Variants in FAM25A observed in about 807,000 individuals in gnomAD.
FAM25A encodes the protein protein FAM25A.
In FAM25A, 5 loss-of-function variants were observed where a neutral mutation model predicts 6.6. That is an observed-to-expected ratio of 0.75 (90% CI 0.39 to 1.59). FAM25A has a LOEUF of 1.59. FAM25A is among the 40% of genes most tolerant of loss of function. FAM25A has a pLI of 0.02. For missense variants in FAM25A, 93 were observed against 109.7 expected, an observed-to-expected ratio of 0.85 and a Z score of 0.68; for synonymous variants, 36 against 41.3, an observed-to-expected ratio of 0.87 and a Z score of 0.49.
chr10:87,022,420 G>T (rs983122537), intron 2 of FAM25A, 44 bp downstream of exon 2: 2 of 1,541,358 alleles, frequency 1.3e-6, no homozygotes, highest in Admixed American at 3.9e-5. Context: ...GAGGGAGCAA[G>T]GGAAGCTAGG....
chr10:87,022,496 A>G lies in FAM25A; in HGVS notation c.136+120A>G, dbSNP rs1443700922. On this transcript the variant is annotated intron_variant, in intron 2 of 2. Transcript: ENST00000343959. ...TGCCCCCAATGTTGCAGCCTTTCAG[A>G]GCCTCTTGGCTGGGGCAGTTATCTA... is the stretch of plus-strand genomic sequence containing the variant. 1.4e-5 allele frequency: 17 copies of G among 1,213,610 alleles called. No individual in the cohort carries two copies. In the South Asian group the frequency reaches 1.4e-4, roughly 10 times the overall value. 75.2% of individuals were successfully genotyped at this position (1,213,610 alleles called of 1,614,324 possible). A position where few individuals can be genotyped will look rare whatever the true frequency, so the allele number is the denominator to read the frequency against.
At chr10:87,021,061 C>CA in intron 1 of FAM25A, among the ~76,000 whole-genome samples, 1 of 152,312 alleles carries the variant, frequency 6.6e-6, no homozygotes, top group Non-Finnish European at 1.5e-5. Flanking sequence ...CTCCTGACCT[C>CA]AAGTGATCCA....
At chr10:87,024,102 C>T (rs191719510) in intron 2 of FAM25A, among the ~76,000 whole-genome samples, 8 of 151,072 alleles carry the variant, frequency 5.3e-5, no homozygotes, top group South Asian at 2.1e-4. Flanking sequence ...AAAAAATCAG[C>T]GCCATAAAGG....
chr10:87,023,811 G>A (rs1289733181), intron 2 of FAM25A, among the ~76,000 whole-genome samples: 6 of 152,176 alleles, frequency 3.9e-5, no homozygotes, highest in Non-Finnish European at 8.8e-5. Context: ...ATCAAGGAAG[G>A]CACTGGCAGA....
chr10:87,024,708 A>G lies in FAM25A; in HGVS notation c.*34A>G. The G allele has an allele frequency of 6.5e-7, 1 of 1,535,724 alleles. No homozygotes were observed. Among genetic ancestry groups the G allele is most frequent in the Non-Finnish European group, 8.7e-7 (1 of 1,146,868 alleles). ...GCTACCACGGCCCTTCCCCAGTCTC[A>G]ATAAAAAGCCATGACATGTGTACAT... On this transcript the variant is annotated 3_prime_UTR_variant, in exon 3 of 3. Coordinates refer to ENST00000343959, the MANE Select transcript of FAM25A (RefSeq NM_001146157.3).
At position 87,020,404 on chromosome 10, in the gene FAM25A, A is replaced by G; in HGVS notation, c.73+7A>G. ...AAGGCCACCGAGGGAGCCAGTGAGGACCTGGGGCTCCTTTCTACCTGGGCT... is the reference window on the plus strand; with the variant it reads ...AAGGCCACCGAGGGAGCCAGTGAGGGCCTGGGGCTCCTTTCTACCTGGGCT... On this transcript the variant is annotated splice_region_variant and intron_variant, in intron 1 of 2. Transcript: ENST00000343959. The G allele has an allele frequency of 2.6e-6, 4 of 1,548,540 alleles. No individual in the cohort carries two copies. The South Asian group carries it at 4.8e-5, about 18-fold the overall frequency.
intron 1 of FAM25A, among the ~76,000 whole-genome samples, chr10:87,021,159 G>A (rs1433010498): frequency 6.6e-6 from 1 of 152,238 alleles, no homozygotes; most frequent in African/African-American, 2.4e-5. Context: ...GAGGTCAGCA[G>A]CTATGTGTGG....
At chr10:87,020,437 T>C in intron 1 of FAM25A, 40 bp downstream of exon 1, 3 of 1,546,452 alleles carry the variant, frequency 1.9e-6, no homozygotes, top group Non-Finnish European at 2.6e-6. Flanking sequence ...GCTGGGGGGA[T>C]CTGGGGCAGA....
intron 2 of FAM25A, among the ~76,000 whole-genome samples, chr10:87,024,158 C>A (rs1269732357): frequency 1.1e-5 from 1 of 90,412 alleles, no homozygotes; most frequent in Non-Finnish European, 2.1e-5. Context: ...TTTTCTATAG[C>A]CAAAAAAAAA....
At chr10:87,024,067 G>A (rs1845355740) in intron 2 of FAM25A, among the ~76,000 whole-genome samples, 1 of 151,890 alleles carries the variant, frequency 6.6e-6, no homozygotes, top group African/African-American at 2.4e-5. Context: ...ATCTTGGAGA[G>A]GGGAGAATCT....
chr10:87,021,455 G>A (rs1845329026), intron 1 of FAM25A, among the ~76,000 whole-genome samples: 1 of 152,150 alleles, frequency 6.6e-6, no homozygotes, highest in Non-Finnish European at 1.5e-5. Flanking sequence ...TCATTCACTT[G>A]ATACACCGTT....
At chr10:87,022,910 G>C (rs1259199365) in intron 2 of FAM25A, among the ~76,000 whole-genome samples, 5 of 135,894 alleles carry the variant, frequency 3.7e-5, no homozygotes, top group African/African-American at 5.6e-5. Context: ...CTGGGCTACA[G>C]AGTGAGACTC....
At chr10:87,021,865 C>G (rs1327631937) in intron 1 of FAM25A, among the ~76,000 whole-genome samples, 3 of 152,240 alleles carry the variant, frequency 2.0e-5, no homozygotes, top group African/African-American at 7.2e-5. Flanking sequence ...CTGGATGAGG[C>G]TTTGGAAACC....
intron 2 of FAM25A, among the ~76,000 whole-genome samples, chr10:87,024,097 A>G (rs1319318326): frequency 1.3e-5 from 2 of 152,218 alleles, no homozygotes; most frequent in South Asian, 2.1e-4. Context: ...TGACAAAAAA[A>G]TCAGCGCCAT....
At chr10:87,024,416 C>T in intron 2 of FAM25A, 125 bp from the exon 3 acceptor site, 1 of 1,401,384 alleles carries the variant, frequency 7.1e-7, no homozygotes, top group South Asian at 1.3e-5. Flanking sequence ...ATCCTGCTGC[C>T]CTTGGTCCCA....
At chr10:87,024,420 G>A in intron 2 of FAM25A, 121 bp from the exon 3 acceptor site, 1 of 1,419,858 alleles carries the variant, frequency 7.0e-7, no homozygotes, top group African/African-American at 1.4e-5. Flanking sequence ...TGCTGCCCTT[G>A]GTCCCATCGG....
chr10:87,021,177 C>G (rs1845326217), intron 1 of FAM25A, among the ~76,000 whole-genome samples: 1 of 152,202 alleles, frequency 6.6e-6, no homozygotes, highest in Non-Finnish European at 1.5e-5. Flanking sequence ...TGGGGAGGCC[C>G]AGCCAGGAGC....
At chr10:87,024,009 A>G (rs1845355356) in intron 2 of FAM25A, among the ~76,000 whole-genome samples, 1 of 152,170 alleles carries the variant, frequency 6.6e-6, no homozygotes, top group African/African-American at 2.4e-5. Flanking sequence ...GAGGGGGAAG[A>G]CATCATAAAC....
In FAM25A at chr10:87,024,559, A is replaced by G. The variant is rs549239962; in HGVS notation, c.155A>G (p.Lys52Arg). ...TGEKAIAEAI[K>R]KAQESGDKKM... ...CCAACAGCCATTGCTGAAGCCATAA[A>G]GAAAGCCCAAGAGTCAGGGGACAAA... The change falls in exon 3 of 3, where the codon AAG becomes AGG. Residue 52 changes from lysine (K) to arginine (R), a missense_variant. Physicochemically the swap from Lys to Arg is conservative, Grantham distance 26 (BLOSUM62 2). Coordinates refer to ENST00000343959, the MANE Select transcript of FAM25A (RefSeq NM_001146157.3). 2 of 1,535,802 alleles carry G rather than the reference A, an allele frequency of 1.3e-6. No individual in the cohort carries two copies. The highest frequency in any genetic ancestry group is 1.4e-5 in the African/African-American group (1 of 73,116).
Sources: allele counts gnomAD v4.1 joint callset (sites outside exome capture counted in the v4.1 genomes callset), GRCh38; gene constraint gnomAD v4.1.1; transcripts MANE v1.5; gene names NCBI Gene and HGNC (gene_info 2026-07-23, HGNC 2026-07-21).